The following KIR2DL1 variants were observed in gnomAD, a reference collection of about 807,000 sequenced individuals.
KIR2DL1 encodes the protein killer cell immunoglobulin like receptor, two Ig domains and long cytoplasmic tail 1.
Under a neutral mutation model 33.9 loss-of-function variants are expected in KIR2DL1, and 38 were observed. The observed-to-expected ratio is 1.12, with a 90% CI of 0.86 to 1.47. The LOEUF is 1.47. Ranked by LOEUF, KIR2DL1 falls within the 40% of genes most tolerant of loss-of-function variation. KIR2DL1 has a pLI of 0.00. For missense variants in KIR2DL1, 531 were observed against 433.9 expected, an observed-to-expected ratio of 1.22 and a Z score of -1.99; for synonymous variants, 179 against 165.9, an observed-to-expected ratio of 1.08 and a Z score of -0.61.
chr19:54,783,411 A>G, intron 6 of KIR2DL1, 75 bp from the exon 7 acceptor site: 2 of 1,523,120 alleles, frequency 1.3e-6, no homozygotes, highest in South Asian at 1.1e-5. Flanking sequence ...CTCCCCCTGT[A>G]TGTTGGTATC....
intron 4 of KIR2DL1, among the ~76,000 whole-genome samples, chr19:54,778,188 G>A (rs1447796940): frequency 2.7e-5 from 4 of 148,770 alleles, no homozygotes; most frequent in Non-Finnish European, 6.0e-5. Flanking sequence ...GAACCCAGGA[G>A]GCTGAGGTTG....
chr19:54,775,073 G>C lies in KIR2DL1; in HGVS notation c.371-92G>C, dbSNP rs2076161112. ...GAGAGAGAGAGAGAGAGAGCATTAG[G>C]TCATAGAACAGGGGAGTGAGTTCTC... On this transcript the variant is annotated intron_variant, in intron 3 of 7. Coordinates refer to ENST00000336077, the MANE Select transcript of KIR2DL1 (RefSeq NM_014218.3). The C allele has an allele frequency of 3.6e-6, 5 of 1,406,624 alleles. No homozygotes were observed. In the Admixed American group the frequency reaches 9.0e-5, roughly 25 times the overall value. 87.1% of individuals were successfully genotyped at this position (1,406,624 alleles called of 1,614,324 possible).
At chr19:54,781,384 C>G (rs2076919062) in intron 5 of KIR2DL1, among the ~76,000 whole-genome samples, 1 of 150,486 alleles carries the variant, frequency 6.6e-6, no homozygotes. Flanking sequence ...CCGCTGAATC[C>G]TCCAGCACAG....
rs1259783009 is a variant in KIR2DL1, at chr19:54,783,750, T to C, written c.984T>C (p.Asp328=). 1.9e-6 allele frequency: 3 copies of C among 1,613,958 alleles called. No homozygotes were observed. The highest frequency in any genetic ancestry group is 2.2e-5 in the South Asian group (2 of 91,068). Residue 328 remains aspartate (D), a synonymous_variant, in exon 8 of 8, where the codon GAT becomes GAC. Transcript: ENST00000336077. ...AGAGGCCCAAGACACCCCCAACAGA[T>C]ATCATCGTGTACACGGAACTTCCAA... The part of the protein sequence containing the change: ...PSQRPKTPPT[D]IIVYTELPNA...
chr19:54,776,048 C>T (rs200705266), intron 4 of KIR2DL1, among the ~76,000 whole-genome samples: 22,605 of 139,766 alleles, frequency 0.16, 77 homozygotes, highest in South Asian at 0.26. Flanking sequence ...CGCACCACCA[C>T]GCCAGGCTAC....
chr19:54,782,395 A>G (rs968160274), intron 5 of KIR2DL1, among the ~76,000 whole-genome samples: 16 of 152,082 alleles, frequency 1.1e-4, no homozygotes, highest in African/African-American at 3.4e-4. Context: ...GCATGGCACC[A>G]GCATCTATTT....
chr19:54,780,469 G>C (rs1164230620), intron 5 of KIR2DL1, among the ~76,000 whole-genome samples: 1 of 141,690 alleles, frequency 7.1e-6, no homozygotes, highest in Non-Finnish European at 1.6e-5. Context: ...AGAGCACACT[G>C]GGTACACAGG....
At chr19:54,775,876 C>T (rs1186952208) in intron 4 of KIR2DL1, among the ~76,000 whole-genome samples, 1 of 148,472 alleles carries the variant, frequency 6.7e-6, no homozygotes, top group African/African-American at 2.5e-5. Context: ...GATAAATATA[C>T]CTATATAGCT....
chr19:54,779,962 G>T, intron 5 of KIR2DL1: 2 of 354,024 alleles, frequency 5.6e-6, no homozygotes, highest in Non-Finnish European at 1.0e-5. Flanking sequence ...GCAGTGTCAC[G>T]ATCTTGGCTC....
rs774676188 is a variant in KIR2DL1, at chr19:54,778,677, C to G, written c.715+15C>G. On this transcript the variant is annotated intron_variant, in intron 5 of 7. Transcript: ENST00000336077. The stretch of plus-strand genomic sequence containing the variant: ...CTCCAAAACCGGTGAGTACAGAACC[C>G]TCTTATATCCGCTTTTGGAACCCTG... 6.6e-7 allele frequency: 1 copy of G among 1,514,008 alleles called. No individual in the cohort carries two copies. Among genetic ancestry groups the G allele is most frequent in the South Asian group, 1.2e-5 (1 of 84,180 alleles). 93.8% of individuals were successfully genotyped at this position (1,514,008 alleles called of 1,614,324 possible). A position where few individuals can be genotyped will look rare whatever the true frequency, so the allele number is the denominator to read the frequency against.
rs1472273122 is a variant in KIR2DL1, at chr19:54,773,488, C to A, written c.226C>A (p.His76Asn). 1 of 1,585,622 alleles carries A rather than the reference C, an allele frequency of 6.3e-7. No individual in the cohort carries two copies. Among genetic ancestry groups the A allele is most frequent in the African/African-American group, 1.4e-5 (1 of 73,938 alleles). ...FNDTLRLIGE[H>N]HDGVSKANFS... ...CGACACTTTGCGCCTCATTGGAGAA[C>A]ACCATGATGGGGTCTCCAAGGCCAA... The change falls in exon 3 of 8, where the codon CAC becomes AAC. Residue 76 changes from histidine (H) to asparagine (N), a missense_variant. By Grantham distance (68) the His-to-Asn change is moderately conservative (BLOSUM62 1). Transcript: ENST00000336077.
Sources: allele counts gnomAD v4.1 joint callset (sites outside exome capture counted in the v4.1 genomes callset), GRCh38; gene constraint gnomAD v4.1.1; transcripts MANE v1.5; gene names NCBI Gene and HGNC (gene_info 2026-07-23, HGNC 2026-07-21).